HAPLN2: variants seen among roughly 807,000 people sequenced by gnomAD.
HAPLN2 encodes the protein brain link protein-1.
A neutral mutation model predicts 29.3 loss-of-function variants in HAPLN2; 27 were observed. The observed-to-expected ratio is 0.92, with a 90% confidence interval of 0.68 to 1.27. HAPLN2 has a LOEUF of 1.27. HAPLN2 is among the 50% of genes most tolerant of loss of function. HAPLN2 has a pLI of 0.00. For synonymous variants in HAPLN2, 208 were observed against 211.7 expected, an observed-to-expected ratio of 0.98 and a Z score of 0.15; for missense variants, 454 against 484.3, an observed-to-expected ratio of 0.94 and a Z score of 0.59.
At chr1:156,608,540 C>G in the HAPLN2 span, among the ~76,000 whole-genome samples, 1 of 151,512 alleles carries the variant, frequency 6.6e-6, no homozygotes, top group Non-Finnish European at 1.5e-5. Flanking sequence ...TTCTTCCTTC[C>G]TTTCCTTACT....
At chr1:156,613,060 G>T in the HAPLN2 span, among the ~76,000 whole-genome samples, 5 of 152,162 alleles carry the variant, frequency 3.3e-5, no homozygotes, top group African/African-American at 1.2e-4. Context: ...AATAAGAAAA[G>T]AATTGTCAGG....
chr1:156,609,534 A>G, the HAPLN2 span, among the ~76,000 whole-genome samples: 1 of 152,206 alleles, frequency 6.6e-6, no homozygotes, highest in Admixed American at 6.5e-5. Context: ...AAAAATTATT[A>G]TTCTATGATT....
At chr1:156,610,391 A>G in the HAPLN2 span, among the ~76,000 whole-genome samples, 4 of 152,108 alleles carry the variant, frequency 2.6e-5, no homozygotes, top group Non-Finnish European at 4.4e-5. Flanking sequence ...TAATCCCAGC[A>G]CTTTGGGAGG....
upstream of HAPLN2, among the ~76,000 whole-genome samples, chr1:156,614,521 A>T (rs149278130): frequency 2.8e-3 from 422 of 152,282 alleles, 5 homozygotes; most frequent in African/African-American, 9.7e-3. Context: ...GCACCCAGCC[A>T]GAGTTCACTT....
At chr1:156,613,088 C>T in the HAPLN2 span, among the ~76,000 whole-genome samples, 192 of 152,318 alleles carry the variant, frequency 1.3e-3, no homozygotes, top group African/African-American at 3.8e-3. Context: ...TGGTGGCTCA[C>T]GCCTGTAATC....
chr1:156,605,064 G>C, the HAPLN2 span, among the ~76,000 whole-genome samples: 9 of 151,770 alleles, frequency 5.9e-5, no homozygotes, highest in African/African-American at 1.9e-4. Context: ...TCAGGAGTTC[G>C]AGACCAGCCT....
rs772398482 is a variant in HAPLN2 at position 156,625,290 on chromosome 1, G to C, written c.929G>C (p.Arg310Pro). 1.9e-6 allele frequency: 3 copies of C among 1,577,668 alleles called. No homozygotes were observed. Among genetic ancestry groups the C allele is most frequent in the Admixed American group, 3.6e-5 (2 of 55,406 alleles). ...TTCCCAATCACCACGCCGAGGCCGC[G>C]CTGCGGGGGGCTCCCGGATCCCGGA... Reference protein sequence around the residue: ...VRFPITTPRPRCGGLPDPGVR... With the variant: ...VRFPITTPRPPCGGLPDPGVR... The change falls in exon 7 of 7, where the codon CGC becomes CCC. Residue 310 changes from arginine to proline, a missense_variant. By Grantham distance (103) the Arg-to-Pro change is moderately radical. This residue lies in a region of HAPLN2 where 235 missense variants were observed against 236.9 expected (regional missense o/e 0.99). Coordinates refer to ENST00000255039, the MANE Select transcript of HAPLN2 (RefSeq NM_021817.3). The surrounding 1 kb of genome is among the most constrained non-coding windows in gnomAD (Gnocchi z 5.7).
the HAPLN2 span, among the ~76,000 whole-genome samples, chr1:156,611,262 A>G: frequency 1.8e-4 from 11 of 62,632 alleles, no homozygotes; most frequent in Non-Finnish European, 2.7e-4. Flanking sequence ...CCAGAGTGAG[A>G]CCCTAAAAAA....
At chr1:156,609,697 C>T in the HAPLN2 span, among the ~76,000 whole-genome samples, 1 of 152,114 alleles carries the variant, frequency 6.6e-6, no homozygotes, top group African/African-American at 2.4e-5. Context: ...ATAGGCATCT[C>T]ATTAAATAAA....
At chr1:156,618,085 C>T (rs1033785220), upstream of HAPLN2, among the ~76,000 whole-genome samples, 1 of 150,138 alleles carries the variant, frequency 6.7e-6, no homozygotes, top group Non-Finnish European at 1.5e-5. Flanking sequence ...TTGCTTGAGC[C>T]CAGGAGTTCA....
chr1:156,620,137 TGAAGAGACCA>T lies in HAPLN2; in HGVS notation c.-44_-35del, dbSNP rs1249759549. On this transcript the variant is annotated 5_prime_UTR_variant, in exon 2 of 7. Transcript: ENST00000255039. ...CTAAGCACTGCTCCCTCCGTCTCTG[TGAAGAGACCA>T]GCTTCTAACAGGTAGGCAATGGGCT... The T allele has an allele frequency of 6.6e-6, 1 of 152,220 alleles. No homozygotes were observed. Among genetic ancestry groups the T allele is most frequent in the Non-Finnish European group, 1.5e-5 (1 of 68,058 alleles). 9.4% of individuals were successfully genotyped at this position (152,220 alleles called of 1,614,324 possible).
At chr1:156,624,868 G>A in intron 6 of HAPLN2, 85 bp downstream of exon 6, 1 of 1,394,130 alleles carries the variant, frequency 7.2e-7, no homozygotes, top group East Asian at 2.5e-5. Flanking sequence ...TGAGATCAGG[G>A]CAGGGTCTCC....
the HAPLN2 span, among the ~76,000 whole-genome samples, chr1:156,609,952 A>G: frequency 6.6e-6 from 1 of 152,306 alleles, no homozygotes; most frequent in Admixed American, 6.5e-5. Context: ...GCAGTGGCTC[A>G]CGCCTGTAAT....
chr1:156,624,687 T>C lies in HAPLN2; in HGVS notation c.643T>C (p.Cys215Arg). The C allele has an allele frequency of 6.2e-7, 1 of 1,601,546 alleles. No individual in the cohort carries two copies. Among genetic ancestry groups the C allele is most frequent in the Non-Finnish European group, 8.5e-7 (1 of 1,176,084 alleles). ...RYPVLTARAP[C>R]GGRGRPGIRS... Reference sequence around the variant, plus strand: ...CCCTGTGCTCACCGCACGCGCCCCGTGCGGCGGCCGAGGCCGGCCCGGGAT... The same window carrying C: ...CCCTGTGCTCACCGCACGCGCCCCGCGCGGCGGCCGAGGCCGGCCCGGGAT... The change falls in exon 6 of 7, where the codon TGC (cysteine) becomes CGC (arginine). Residue 215 changes from cysteine (C) to arginine (R), a missense_variant. Transcript: ENST00000255039.
chr1:156,625,215 C>T lies in HAPLN2; in HGVS notation c.854C>T (p.Ser285Leu). ...VGHLYAAWKF[S>L]GLDQCDGGWL... ...CACCTCTACGCCGCCTGGAAGTTTTCGGGGCTAGACCAGTGCGACGGCGGC... is the reference window on the plus strand; with the variant it reads ...CACCTCTACGCCGCCTGGAAGTTTTTGGGGCTAGACCAGTGCGACGGCGGC... The change falls in exon 7 of 7, where the codon TCG becomes TTG. Residue 285 changes from serine (S) to leucine (L), a missense_variant. This residue lies in a region of HAPLN2 where 235 missense variants were observed against 236.9 expected (regional missense o/e 0.99). Transcript: ENST00000255039. The surrounding 1 kb of genome is among the most constrained non-coding windows in gnomAD (Gnocchi z 5.7). 6.4e-7 allele frequency: 1 copy of T among 1,564,644 alleles called. No homozygotes were observed.
the HAPLN2 span, among the ~76,000 whole-genome samples, chr1:156,611,856 G>C: frequency 6.6e-6 from 1 of 152,116 alleles, no homozygotes; most frequent in Admixed American, 6.6e-5. Context: ...CAACCCAGAG[G>C]ATATGGAACT....
the HAPLN2 span, among the ~76,000 whole-genome samples, chr1:156,610,351 T>C: frequency 6.6e-6 from 1 of 150,648 alleles, no homozygotes; most frequent in African/African-American, 2.4e-5. Flanking sequence ...AAAAGCAAAG[T>C]AGGAGGCCAG....
At position 156,625,344 on chromosome 1, in the gene HAPLN2, A is replaced by G; in HGVS notation, c.983A>G (p.Gln328Arg). 1 of 1,601,688 alleles carries G rather than the reference A, an allele frequency of 6.2e-7. No homozygotes were observed. Among genetic ancestry groups the G allele is most frequent in the Non-Finnish European group, 8.5e-7 (1 of 1,174,998 alleles). ...CGCAGTTTCGGCTTCCCCAGGCCCC[A>G]ACAGGCAGCCTATGGGACCTACTGC... ...GVRSFGFPRP[Q>R]QAAYGTYCYA... The change falls in exon 7 of 7, where the codon CAA becomes CGA. Residue 328 changes from glutamine to arginine, a missense_variant. By Grantham distance (43) the Gln-to-Arg change is conservative (BLOSUM62 1). Around this residue, in one of 3 missense-constraint regions of HAPLN2, gnomAD observed 235 missense variants for 236.9 expected, o/e 0.99. Coordinates refer to ENST00000255039, the MANE Select transcript of HAPLN2 (RefSeq NM_021817.3). This position sits in a 1 kb window ranked among gnomAD's most constrained non-coding sequence, Gnocchi z 5.7.
upstream of HAPLN2, chr1:156,619,290 T>G (rs1483154676): frequency 6.8e-6 from 1 of 147,842 alleles, no homozygotes; most frequent in African/African-American, 2.5e-5. Flanking sequence ...CTGTTGACAT[T>G]TCATTGCCAT....
Sources: allele counts gnomAD v4.1 joint callset (sites outside exome capture counted in the v4.1 genomes callset), GRCh38; gene constraint gnomAD v4.1.1; regional missense constraint gnomAD v4.1.1; non-coding constraint Gnocchi (gnomAD v3.1); transcripts MANE v1.5; gene names NCBI Gene and HGNC (gene_info 2026-07-23, HGNC 2026-07-21).